The following FMN2 variants were observed in gnomAD, a reference collection of about 807,000 sequenced individuals.
The protein encoded by FMN2 is formin 2, also known as formin-2.
A neutral mutation model predicts 142.3 loss-of-function variants in FMN2; 51 were observed. The ratio of observed to expected loss-of-function variants is 0.36; its 90% CI spans 0.29 to 0.45. The LOEUF (loss-of-function observed/expected upper bound fraction) is 0.45, where lower values mean the gene tolerates loss of function less well. Ranked by LOEUF, FMN2 falls within the 20% of genes least tolerant of loss-of-function variation. The pLI is 1.00. For missense variants in FMN2, 1,936 were observed against 2,122.8 expected, an observed-to-expected ratio of 0.91 and a Z score of 1.73; for synonymous variants, 882 against 869.8, an observed-to-expected ratio of 1.01 and a Z score of -0.25.
intron 7 of FMN2, among the ~76,000 whole-genome samples, chr1:240,263,312 G>A (rs1181605848): frequency 3.9e-5 from 6 of 152,156 alleles, no homozygotes; most frequent in Non-Finnish European, 7.4e-5. Context: ...CACAGATGTA[G>A]GAATCTGCTA....
rs555198433 is a variant in FMN2 at position 240,258,242 on chromosome 1, CA to C, written c.4153+211del. On this transcript the variant is annotated intron_variant, in intron 7 of 17. Coordinates refer to ENST00000319653, the MANE Select transcript of FMN2 (RefSeq NM_020066.5). ...TGGTGTTATTTATATACCTTACTAACAGTCTAATTATCATGTGACATTATTA... is the reference window on the plus strand; with the variant it reads ...TGGTGTTATTTATATACCTTACTAACGTCTAATTATCATGTGACATTATTA... Among the ~76,000 whole-genome samples the C allele has an allele frequency of 1.9e-3, 294 of 152,290 alleles. 4 individuals carry two copies. Among genetic ancestry groups the C allele is most frequent in the Non-Finnish European group, 2.8e-3 (188 of 68,030 alleles).
chr1:240,396,901 G>A (rs989618599), intron 15 of FMN2, among the ~76,000 whole-genome samples: 4 of 152,178 alleles, frequency 2.6e-5, no homozygotes, highest in Admixed American at 6.5e-5. Context: ...TGTGAATAGT[G>A]CTGTGATGAA....
intron 8 of FMN2, among the ~76,000 whole-genome samples, chr1:240,313,436 T>C (rs1670660690): frequency 6.6e-6 from 1 of 152,226 alleles, no homozygotes; most frequent in South Asian, 2.1e-4. Context: ...AATGCTTATG[T>C]GTGATTGAAC....
intron 4 of FMN2, among the ~76,000 whole-genome samples, chr1:240,200,978 C>T (rs1001993344): frequency 6.6e-6 from 1 of 152,152 alleles, no homozygotes; most frequent in Non-Finnish European, 1.5e-5. Flanking sequence ...GGAATTTTGT[C>T]CTCTTATCAC....
intron 16 of FMN2, among the ~76,000 whole-genome samples, chr1:240,442,353 G>A (rs1010536176): frequency 2.0e-5 from 3 of 152,180 alleles, no homozygotes; most frequent in African/African-American, 7.2e-5. Flanking sequence ...GATCAGCCCT[G>A]GTGGTACCGT....
At chr1:240,437,456 C>T (rs528379463) in intron 15 of FMN2, among the ~76,000 whole-genome samples, 7 of 151,958 alleles carry the variant, frequency 4.6e-5, no homozygotes, top group East Asian at 3.9e-4. Context: ...CCACCATGCC[C>T]GGCTAATTTT....
chr1:240,123,226 C>T lies in FMN2; in HGVS notation c.1663C>T (p.Pro555Ser), dbSNP rs775487367. 9.3e-6 allele frequency: 15 copies of T among 1,614,016 alleles called. No homozygotes were observed. The East Asian group carries it at 2.7e-4, about 29-fold the overall frequency. ...GTTCAGCCAGCAGGAGAACGGGCCT[C>T]CAGAAGAAGCAGAGAAGTTTTGCTC... ...KLFSQQENGP[P>S]EEAEKFCSRI... The change falls in exon 2 of 18, where the codon CCA becomes TCA. Residue 555 changes from proline (P) to serine (S), a missense_variant. Pro to Ser is a moderately conservative substitution (Grantham distance 74). Transcript: ENST00000319653.
intron 16 of FMN2, among the ~76,000 whole-genome samples, chr1:240,451,337 T>C (rs10926267): frequency 0.86 from 128,852 of 150,562 alleles, 55,368 homozygotes; most frequent in African/African-American, 0.91. Flanking sequence ...CTAGACTGGG[T>C]GACAGAGCAA....
At position 240,093,551 on chromosome 1, in the gene FMN2, G is replaced by T. The variant is rs749834072; in HGVS notation, c.1442G>T (p.Arg481Leu). Residue 481 changes from arginine (R) to leucine (L), a missense_variant, in exon 1 of 18, where the codon CGC (arginine) becomes CTC (leucine). Physicochemically the swap from Arg to Leu is moderately radical, Grantham distance 102 (BLOSUM62 -2). This residue lies in a region of FMN2 where 751 missense variants were observed against 791.8 expected (regional missense o/e 0.95). Transcript: ENST00000319653. Reference protein sequence around the residue: ...ADGGLAAGLSRSADWTEELGA... With the variant: ...ADGGLAAGLSLSADWTEELGA... ...GGCGGCCTTGCGGCCGGCCTGAGCC[G>T]CTCGGCTGACTGGACGGAGGAGCTA... The T allele has an allele frequency of 5.2e-6, 8 of 1,524,500 alleles. No individual in the cohort carries two copies. Among genetic ancestry groups the T allele is most frequent in the Middle Eastern group, 2.0e-4 (1 of 5,102 alleles). 94.4% of individuals were successfully genotyped at this position (1,524,500 alleles called of 1,614,324 possible).
chr1:240,436,676 C>CG (rs1675384719), intron 15 of FMN2, among the ~76,000 whole-genome samples: 1 of 135,902 alleles, frequency 7.4e-6, no homozygotes, highest in South Asian at 2.4e-4. Flanking sequence ...GACTCCGTCT[C>CG]AAAAAAAAAA....
At chr1:240,415,880 G>A (rs555729658) in intron 15 of FMN2, among the ~76,000 whole-genome samples, 1 of 152,116 alleles carries the variant, frequency 6.6e-6, no homozygotes, top group Non-Finnish European at 1.5e-5. Context: ...ATACAACAAT[G>A]TTAGATATAT....
intron 16 of FMN2, among the ~76,000 whole-genome samples, chr1:240,457,066 G>C (rs2103221502): frequency 1.5e-5 from 1 of 68,726 alleles, no homozygotes; most frequent in South Asian, 4.0e-4. Flanking sequence ...TGATAGTTCA[G>C]CTATGCCAGC....
intron 8 of FMN2, among the ~76,000 whole-genome samples, chr1:240,328,167 A>AAAAAAAAAAAAAAAAAAAAAT (rs1558435720): frequency 7.1e-6 from 1 of 141,076 alleles, no homozygotes; most frequent in Non-Finnish European, 1.5e-5. Flanking sequence ...AAAAAAAAAA[A>AAAAAAAAAAAAAAAAAAAAAT]AAAAAGAAAA....
intron 2 of FMN2, among the ~76,000 whole-genome samples, chr1:240,135,326 T>C (rs1662893650): frequency 6.6e-6 from 1 of 151,570 alleles, no homozygotes; most frequent in Non-Finnish European, 1.5e-5. Flanking sequence ...TCAATACATA[T>C]AAATAGGAAG....
intron 7 of FMN2, among the ~76,000 whole-genome samples, chr1:240,284,368 C>T (rs1319135554): frequency 6.6e-6 from 1 of 152,132 alleles, no homozygotes; most frequent in East Asian, 1.9e-4. Flanking sequence ...TAGAAACAAA[C>T]AGTCAGGAAT....
intron 4 of FMN2, among the ~76,000 whole-genome samples, chr1:240,190,466 T>A (rs577196029): frequency 6.6e-6 from 1 of 152,216 alleles, no homozygotes; most frequent in Non-Finnish European, 1.5e-5. Context: ...TAGGGAAAAC[T>A]CAAATTAATT....
intron 15 of FMN2, among the ~76,000 whole-genome samples, chr1:240,426,066 C>A (rs566486808): frequency 2.0e-5 from 3 of 152,312 alleles, no homozygotes; most frequent in East Asian, 3.9e-4. Flanking sequence ...GGTAATACCA[C>A]AGTATGCTAT....
chr1:240,291,962 A>C (rs962189191), intron 7 of FMN2, among the ~76,000 whole-genome samples: 5 of 151,280 alleles, frequency 3.3e-5, no homozygotes, highest in Non-Finnish European at 5.9e-5. Context: ...CCCAAACCAA[A>C]ACTTGGCTAA....
chr1:240,128,100 A>G (rs1366813742), intron 2 of FMN2, among the ~76,000 whole-genome samples: 4 of 152,228 alleles, frequency 2.6e-5, no homozygotes, highest in East Asian at 1.9e-4. Context: ...ATATAAGGAT[A>G]GAACTGCTAG....
Sources: allele counts gnomAD v4.1 joint callset (sites outside exome capture counted in the v4.1 genomes callset), GRCh38; gene constraint gnomAD v4.1.1; regional missense constraint gnomAD v4.1.1; transcripts MANE v1.5; gene names NCBI Gene and HGNC (gene_info 2026-07-23, HGNC 2026-07-21).